Variants in CPNE5 observed in about 807,000 individuals in gnomAD.
CPNE5 encodes copine 5.
A neutral mutation model predicts 81.1 loss-of-function variants in CPNE5; 42 were observed. The observed-to-expected ratio is 0.52, with a 90% confidence interval of 0.40 to 0.67. The LOEUF is 0.67. CPNE5 is among the 30% of genes least tolerant of loss of function. The probability of loss-of-function intolerance (pLI) is 0.00; values close to 1 mark genes in which losing one functional copy is unlikely to be tolerated. For missense variants in CPNE5, 612 were observed against 815.5 expected (o/e 0.75, Z 3.04); for synonymous variants, 313 against 321.5 (o/e 0.97, Z 0.28).
At chr6:36,784,291 G>A (rs1314222246) in intron 8 of CPNE5, among the ~76,000 whole-genome samples, 4 of 152,322 alleles carry the variant, frequency 2.6e-5, no homozygotes, top group African/African-American at 7.2e-5. Context: ...TGTAGACTCC[G>A]TGGGGGATAA....
At chr6:36,749,693 A>G (rs1242915377) in intron 14 of CPNE5, among the ~76,000 whole-genome samples, 1 of 152,120 alleles carries the variant, frequency 6.6e-6, no homozygotes, top group Non-Finnish European at 1.5e-5. Context: ...ATAAAAAATA[A>G]TAATAAATGA....
chr6:36,786,555 C>T (rs1768572279), intron 8 of CPNE5, among the ~76,000 whole-genome samples: 1 of 152,144 alleles, frequency 6.6e-6, no homozygotes, highest in Non-Finnish European at 1.5e-5. Context: ...GGGATACTAA[C>T]CAAAATCCAT....
chr6:36,743,819 T>C (rs1441498803), intron 19 of CPNE5, 57 bp from the exon 20 acceptor site: 31 of 1,446,380 alleles, frequency 2.1e-5, no homozygotes, highest in Non-Finnish European at 2.8e-5. Flanking sequence ...CCCCTGGCCC[T>C]AGCAGGAGAG....
At chr6:36,834,285 AAGGGAGGG>A (rs1187594447) in intron 1 of CPNE5, among the ~76,000 whole-genome samples, 4 of 91,524 alleles carry the variant, frequency 4.4e-5, no homozygotes, top group Non-Finnish European at 5.9e-5. Context: ...AAAAGGAAGG[AAGGGAGGG>A]AGGGAGGGAG....
At chr6:36,744,908 G>A (rs558761747) in intron 18 of CPNE5, 140 bp downstream of exon 18, 241 of 655,850 alleles carry the variant, frequency 3.7e-4, no homozygotes, top group Non-Finnish European at 6.1e-4. Flanking sequence ...GCCCAGTGAG[G>A]CAGGGAAATG....
In CPNE5 at chr6:36,746,649, G is replaced by A; in HGVS notation, c.1019-72C>T. 7.0e-7 allele frequency: 1 copy of A among 1,437,610 alleles called. No individual in the cohort carries two copies. Among genetic ancestry groups the A allele is most frequent in the Non-Finnish European group, 9.5e-7 (1 of 1,055,914 alleles). 89.1% of individuals were successfully genotyped at this position (1,437,610 alleles called of 1,614,324 possible). A position where few individuals can be genotyped will look rare whatever the true frequency, so the allele number is the denominator to read the frequency against. Reference sequence around the variant, plus strand: ...TCACCCCGGGTTCAGAATGAAGAAGGGGGTGTCCAAGGGCACCCCTAACTT... The same window carrying A: ...TCACCCCGGGTTCAGAATGAAGAAGAGGGTGTCCAAGGGCACCCCTAACTT... On this transcript the variant is annotated intron_variant, in intron 15 of 20. Coordinates refer to ENST00000244751, the MANE Select transcript of CPNE5 (RefSeq NM_020939.2). This position sits in a 1 kb window ranked among gnomAD's most constrained non-coding sequence, Gnocchi z 4.5.
At chr6:36,838,422 C>A (rs1052975806) in intron 1 of CPNE5, among the ~76,000 whole-genome samples, 1 of 152,200 alleles carries the variant, frequency 6.6e-6, no homozygotes, top group East Asian at 1.9e-4. Context: ...GGGAAAAATC[C>A]CCCTTTGCCA....
chr6:36,836,980 T>C (rs1482499665), intron 1 of CPNE5, among the ~76,000 whole-genome samples: 1 of 152,036 alleles, frequency 6.6e-6, no homozygotes, highest in East Asian at 1.9e-4. Flanking sequence ...ATGGATCATG[T>C]CCCCCAAAAG....
intron 1 of CPNE5, among the ~76,000 whole-genome samples, chr6:36,828,215 G>C (rs1185597843): frequency 2.0e-5 from 3 of 148,804 alleles, no homozygotes; most frequent in African/African-American, 5.0e-5. Context: ...AGCTACTCGG[G>C]ACTCCAAGGA....
chr6:36,745,273 G>T, intron 17 of CPNE5, 115 bp downstream of exon 17: 1 of 1,428,124 alleles, frequency 7.0e-7, no homozygotes, highest in Non-Finnish European at 9.6e-7. Flanking sequence ...CAGGGTCAGG[G>T]CTCCCTGAAA....
At chr6:36,765,294 T>G (rs1283495248) in intron 11 of CPNE5, 41 bp downstream of exon 11, 1 of 1,605,126 alleles carries the variant, frequency 6.2e-7, no homozygotes, top group Non-Finnish European at 8.5e-7. Context: ...GCTGTCCCCA[T>G]CCCCACTCAC....
At chr6:36,758,987 G>A (rs1332936794) in intron 12 of CPNE5, among the ~76,000 whole-genome samples, 1 of 152,184 alleles carries the variant, frequency 6.6e-6, no homozygotes, top group Non-Finnish European at 1.5e-5. Context: ...TTAAGATGAG[G>A]GCAAAATGGC....
chr6:36,819,299 C>T (rs1771833716), intron 3 of CPNE5, among the ~76,000 whole-genome samples: 1 of 152,222 alleles, frequency 6.6e-6, no homozygotes, highest in African/African-American at 2.4e-5. Flanking sequence ...GGGGTTTCTC[C>T]ATGTTGTCCA....
chr6:36,741,214 T>G lies in CPNE5; in HGVS notation c.*1054A>C, dbSNP rs1582659446. 1 of 152,232 alleles carries G rather than the reference T, an allele frequency of 6.6e-6. No homozygotes were observed. Among genetic ancestry groups the G allele is most frequent in the East Asian group, 1.9e-4 (1 of 5,202 alleles). 9.4% of individuals were successfully genotyped at this position (152,232 alleles called of 1,614,324 possible). On this transcript the variant is annotated 3_prime_UTR_variant, in exon 21 of 21. Transcript: ENST00000244751. ...CTGTTAGGAGTAGGATGGGGGGAAC[T>G]GGGCATGGGATGAATGACCCTCAGG...
chr6:36,813,646 G>A (rs565791709), intron 3 of CPNE5, among the ~76,000 whole-genome samples: 99 of 152,288 alleles, frequency 6.5e-4, no homozygotes, highest in Non-Finnish European at 1.1e-3. Flanking sequence ...CTCTGTGACC[G>A]TATTGTCCAC....
chr6:36,791,120 T>C (rs1769056720), intron 8 of CPNE5, among the ~76,000 whole-genome samples: 1 of 152,128 alleles, frequency 6.6e-6, no homozygotes, highest in Non-Finnish European at 1.5e-5. Flanking sequence ...TCTCCCTGCA[T>C]CTGTCCCAGC....
chr6:36,826,659 C>T (rs1438384009), intron 1 of CPNE5, among the ~76,000 whole-genome samples: 1 of 152,198 alleles, frequency 6.6e-6, no homozygotes, highest in Non-Finnish European at 1.5e-5. Flanking sequence ...AGCCTAGCAC[C>T]TGAGTCAGAG....
chr6:36,763,013 T>A, intron 11 of CPNE5, 21 bp from the exon 12 acceptor site: 1 of 1,611,210 alleles, frequency 6.2e-7, no homozygotes, highest in Non-Finnish European at 8.5e-7. Flanking sequence ...AGACGGCTGC[T>A]GAGACCAAGG....
At chr6:36,821,387 G>A (rs1772035727) in intron 3 of CPNE5, among the ~76,000 whole-genome samples, 1 of 152,158 alleles carries the variant, frequency 6.6e-6, no homozygotes, top group African/African-American at 2.4e-5. Context: ...GCAGAAAAGA[G>A]ACAGAATTTG....
Sources: gnomAD v4.1 joint callset for allele counts (sites outside exome capture counted in the v4.1 genomes callset) on GRCh38, gnomAD v4.1.1 for gene constraint, Gnocchi (gnomAD v3.1) non-coding constraint, MANE v1.5 for transcripts, NCBI Gene and HGNC (gene_info 2026-07-23, HGNC 2026-07-21) for gene names.